The following CHRM5 variants were observed in gnomAD, a reference collection of about 807,000 sequenced individuals.
The protein encoded by CHRM5 is cholinergic receptor muscarinic 5.
CHRM5 carries 18 observed loss-of-function variants against 39.0 expected under a neutral mutation model. That is an observed-to-expected ratio of 0.46 (90% confidence interval 0.32 to 0.68). CHRM5 has a LOEUF of 0.68. Ranked by LOEUF, CHRM5 falls within the 30% of genes least tolerant of loss-of-function variation. CHRM5 has a pLI of 0.04. For missense variants in CHRM5, 515 were observed against 651.1 expected (o/e 0.79, Z 2.28); for synonymous variants, 241 against 246.3 (o/e 0.98, Z 0.20).
At chr15:34,011,853 G>A (rs909361118) in intron 1 of CHRM5, among the ~76,000 whole-genome samples, 2 of 152,204 alleles carry the variant, frequency 1.3e-5, no homozygotes, top group Non-Finnish European at 1.5e-5. Flanking sequence ...ATTTCTCAAA[G>A]TCAAGACCTT....
intron 1 of CHRM5, among the ~76,000 whole-genome samples, chr15:34,033,003 T>C (rs1471852879): frequency 6.6e-6 from 1 of 152,180 alleles, no homozygotes; most frequent in Non-Finnish European, 1.5e-5. Flanking sequence ...ATGAACTGAG[T>C]GACATTGATA....
At chr15:33,984,397 T>A (rs541707956) in intron 1 of CHRM5, among the ~76,000 whole-genome samples, 1 of 137,140 alleles carries the variant, frequency 7.3e-6, no homozygotes, top group African/African-American at 2.9e-5. Context: ...TAGAATAGAT[T>A]GATGGTAGGG....
Position 34,063,794 on chromosome 15 carries a change from A to C in CHRM5, c.1077A>C (p.Pro359=). ...CTGAAAAAAGTGACTATGACACCCC[A>C]AACTACCTTCTGTCTCCAGCAGCTG... is the stretch of plus-strand genomic sequence containing the variant. The part of the protein sequence containing the change: ...AETEKSDYDT[P]NYLLSPAAAH... The change falls in exon 3 of 3, where the codon CCA becomes CCC. Residue 359 remains proline, a synonymous_variant. Coordinates refer to ENST00000383263, the MANE Select transcript of CHRM5 (RefSeq NM_012125.4). The surrounding 1 kb of genome is among the most constrained non-coding windows in gnomAD (Gnocchi z 4.1). 1.2e-6 allele frequency: 2 copies of C among 1,614,210 alleles called. No homozygotes were observed. The highest frequency in any genetic ancestry group is 2.2e-5 in the South Asian group (2 of 91,086).
chr15:34,038,149 C>A (rs1185301055), intron 1 of CHRM5, among the ~76,000 whole-genome samples: 1 of 152,078 alleles, frequency 6.6e-6, no homozygotes, highest in Non-Finnish European at 1.5e-5. Context: ...AACGACAAAG[C>A]CCAGTGCTCG....
intron 2 of CHRM5, among the ~76,000 whole-genome samples, chr15:34,049,713 A>G (rs1264896449): frequency 6.6e-6 from 1 of 152,064 alleles, no homozygotes; most frequent in Non-Finnish European, 1.5e-5. Flanking sequence ...AAGAAGATCA[A>G]CCCCAAGACA....
At chr15:33,998,185 C>G (rs544803634) in intron 1 of CHRM5, among the ~76,000 whole-genome samples, 15 of 152,290 alleles carry the variant, frequency 9.8e-5, no homozygotes, top group African/African-American at 3.6e-4. Flanking sequence ...ATGGGCCATC[C>G]CTCCACCTGC....
At chr15:34,017,484 G>GTTGT (rs1555516576) in intron 1 of CHRM5, among the ~76,000 whole-genome samples, 2 of 107,344 alleles carry the variant, frequency 1.9e-5, no homozygotes, top group Non-Finnish European at 4.0e-5. Context: ...TTTTTTTTTT[G>GTTGT]TTTTTTTTTT....
At chr15:34,038,707 T>C in intron 1 of CHRM5, 1 of 1,108,890 alleles carries the variant, frequency 9.0e-7, no homozygotes, top group Non-Finnish European at 1.1e-6. Flanking sequence ...CTCTTGCGGC[T>C]CTTGACTGGC....
At chr15:33,984,822 A>G (rs1479473042) in intron 1 of CHRM5, among the ~76,000 whole-genome samples, 1 of 152,130 alleles carries the variant, frequency 6.6e-6, no homozygotes, top group Non-Finnish European at 1.5e-5. Context: ...TGATGCAGTA[A>G]ATCACACCCA....
At chr15:33,994,455 A>C (rs941510315) in intron 1 of CHRM5, among the ~76,000 whole-genome samples, 3 of 152,202 alleles carry the variant, frequency 2.0e-5, no homozygotes, top group African/African-American at 7.2e-5. Flanking sequence ...ATAATAATAG[A>C]AATAAAGCAC....
At chr15:33,990,873 A>G (rs1411409912) in intron 1 of CHRM5, 1 of 152,280 alleles carries the variant, frequency 6.6e-6, no homozygotes, top group Non-Finnish European at 1.5e-5. Flanking sequence ...TTACCTAACA[A>G]CAGATTTTAA....
intron 2 of CHRM5, among the ~76,000 whole-genome samples, chr15:34,054,722 G>T (rs1340014487): frequency 6.6e-6 from 1 of 152,092 alleles, no homozygotes; most frequent in African/African-American, 2.4e-5. Context: ...AAGAAGAATA[G>T]GTAATAGATG....
At chr15:34,052,916 C>T (rs1899980580) in intron 2 of CHRM5, among the ~76,000 whole-genome samples, 1 of 152,108 alleles carries the variant, frequency 6.6e-6, no homozygotes, top group Admixed American at 6.6e-5. Flanking sequence ...AATAGTCATA[C>T]TGCCCAAAGT....
intron 1 of CHRM5, among the ~76,000 whole-genome samples, chr15:34,019,239 G>C (rs1324827661): frequency 1.3e-5 from 2 of 152,146 alleles, no homozygotes; most frequent in African/African-American, 4.8e-5. Flanking sequence ...GTAATTGTTT[G>C]TGTCTTCATT....
At chr15:34,039,170 G>C (rs1899340887) in intron 1 of CHRM5, 1 of 839,160 alleles carries the variant, frequency 1.2e-6, no homozygotes, top group Non-Finnish European at 1.5e-6. Context: ...AGCGAGGCGC[G>C]GGGTGCGGGG....
intron 1 of CHRM5, among the ~76,000 whole-genome samples, chr15:33,978,466 C>T (rs574368844): frequency 6.6e-6 from 1 of 152,238 alleles, no homozygotes; most frequent in East Asian, 1.9e-4. Flanking sequence ...GAGTTCAAAA[C>T]CAGCCTGATC....
intron 1 of CHRM5, among the ~76,000 whole-genome samples, chr15:33,984,834 T>A (rs543918027): frequency 2.1e-3 from 313 of 152,230 alleles, no homozygotes; most frequent in East Asian, 2.1e-3. Context: ...TCACACCCAA[T>A]AACCACAAAT....
At chr15:34,023,894 G>A (rs900280962) in intron 1 of CHRM5, among the ~76,000 whole-genome samples, 1 of 152,136 alleles carries the variant, frequency 6.6e-6, no homozygotes, top group African/African-American at 2.4e-5. Context: ...ACTCATTCTG[G>A]CTCTTTTTAT....
intron 2 of CHRM5, 72 bp from the exon 3 acceptor site, chr15:34,062,571 A>AAT: frequency 4.5e-6 from 3 of 668,420 alleles, no homozygotes; most frequent in Non-Finnish European, 7.1e-6. Context: ...AAAAAAAAAA[A>AAT]AAACTATAAA....
Sources: gnomAD v4.1 joint callset for allele counts (sites outside exome capture counted in the v4.1 genomes callset) on GRCh38, gnomAD v4.1.1 for gene constraint, Gnocchi (gnomAD v3.1) non-coding constraint, MANE v1.5 for transcripts, NCBI Gene and HGNC (gene_info 2026-07-23, HGNC 2026-07-21) for gene names.